Variants in HS6ST3 observed in about 807,000 individuals in gnomAD.
The protein encoded by HS6ST3 is heparan sulfate 6-O-sulfotransferase 3, also known as heparan-sulfate 6-O-sulfotransferase 3.
HS6ST3 carries 12 observed loss-of-function variants against 36.7 expected under a neutral mutation model. The observed-to-expected ratio is 0.33, with a 90% CI of 0.21 to 0.53. The LOEUF (loss-of-function observed/expected upper bound fraction) is 0.53. HS6ST3 is among the 20% of genes least tolerant of loss of function. The pLI is 0.95. For synonymous variants in HS6ST3, 240 were observed against 257.5 expected (o/e 0.93, Z 0.65); for missense variants, 584 against 640.9 (o/e 0.91, Z 0.96).
chr13:96,171,498 T>C (rs1594703114), intron 1 of HS6ST3, among the ~76,000 whole-genome samples: 1 of 152,218 alleles, frequency 6.6e-6, no homozygotes, highest in African/African-American at 2.4e-5. Context: ...ATATATTTTC[T>C]TTGACAATAT....
intron 1 of HS6ST3, among the ~76,000 whole-genome samples, chr13:96,623,705 C>T (rs966780763): frequency 2.7e-4 from 41 of 152,068 alleles, no homozygotes; most frequent in African/African-American, 1.2e-4. Context: ...TTAAACCAGT[C>T]GGAGCCCACC....
chr13:96,610,319 C>A (rs185184434), intron 1 of HS6ST3, among the ~76,000 whole-genome samples: 1 of 152,178 alleles, frequency 6.6e-6, no homozygotes, highest in Admixed American at 6.5e-5. Context: ...TCTTAGAATA[C>A]ATTCTGTTCC....
In HS6ST3 at chr13:96,145,465, T is replaced by A. The variant is rs185176722; in HGVS notation, c.707+53896T>A. Among the ~76,000 whole-genome samples, 19 of 152,294 alleles carry A rather than the reference T, an allele frequency of 1.2e-4. No individual in the cohort carries two copies. The East Asian group carries it at 3.7e-3, about 29-fold the overall frequency. The stretch of plus-strand genomic sequence containing the variant: ...CATAAATGTCTTCTTTTGAGAAGTG[T>A]CTGTTATATCCTTCGCCCAGTTTTT... On this transcript the variant is annotated intron_variant, in intron 1 of 1. Coordinates refer to ENST00000376705, the MANE Select transcript of HS6ST3 (RefSeq NM_153456.4).
At chr13:96,317,692 G>A (rs183234695) in intron 1 of HS6ST3, among the ~76,000 whole-genome samples, 16 of 148,850 alleles carry the variant, frequency 1.1e-4, no homozygotes, top group African/African-American at 3.7e-4. Flanking sequence ...GTATATAAAC[G>A]TCCCCTTTTC....
At chr13:96,409,720 C>T (rs1019630392) in intron 1 of HS6ST3, among the ~76,000 whole-genome samples, 4 of 152,022 alleles carry the variant, frequency 2.6e-5, no homozygotes, top group East Asian at 3.9e-4. Context: ...AGTCTGCAAG[C>T]GGATCTATCT....
intron 1 of HS6ST3, among the ~76,000 whole-genome samples, chr13:96,238,811 G>T (rs998622415): frequency 6.6e-6 from 1 of 152,176 alleles, no homozygotes; most frequent in Admixed American, 6.5e-5. Flanking sequence ...TGAAACAAAT[G>T]AATAGACAAA....
intron 1 of HS6ST3, among the ~76,000 whole-genome samples, chr13:96,365,483 CTCTTTTTTT>C (rs2055258565): frequency 6.6e-6 from 1 of 152,106 alleles, no homozygotes; most frequent in African/African-American, 2.4e-5. Context: ...CCTATTTTTT[CTCTTTTTTT>C]TCTGCTCCAT....
chr13:96,508,975 A>G (rs149829902), intron 1 of HS6ST3, among the ~76,000 whole-genome samples: 2,609 of 152,196 alleles, frequency 0.017, 30 homozygotes, highest in Non-Finnish European at 0.025. Flanking sequence ...TACCAGTAGA[A>G]TATATGCGTT....
At chr13:96,743,007 C>T (rs1397931155) in intron 1 of HS6ST3, among the ~76,000 whole-genome samples, 2 of 152,082 alleles carry the variant, frequency 1.3e-5, no homozygotes, top group Non-Finnish European at 2.9e-5. Flanking sequence ...AGAGTGTCCA[C>T]TCTAACCTTT....
chr13:96,591,026 T>C (rs1450833304), intron 1 of HS6ST3, among the ~76,000 whole-genome samples: 1 of 151,844 alleles, frequency 6.6e-6, no homozygotes, highest in Non-Finnish European at 1.5e-5. Flanking sequence ...TTCTGTGTTC[T>C]CTGTTTTGTC....
intron 1 of HS6ST3, among the ~76,000 whole-genome samples, chr13:96,231,419 A>G (rs969287475): frequency 6.6e-6 from 1 of 152,192 alleles, no homozygotes; most frequent in African/African-American, 2.4e-5. Flanking sequence ...TAGGCTGTAC[A>G]TGAAGAATGG....
chr13:96,559,723 C>CT (rs368220722), intron 1 of HS6ST3, among the ~76,000 whole-genome samples: 246 of 146,424 alleles, frequency 1.7e-3, no homozygotes, highest in African/African-American at 3.9e-3. Flanking sequence ...GCAGATTATT[C>CT]TTTTTTTTTT....
chr13:96,516,449 A>G (rs1333772324), intron 1 of HS6ST3, among the ~76,000 whole-genome samples: 1 of 152,210 alleles, frequency 6.6e-6, no homozygotes, highest in East Asian at 1.9e-4. Flanking sequence ...TTGAGTACTT[A>G]ATAGATAGTC....
intron 1 of HS6ST3, among the ~76,000 whole-genome samples, chr13:96,483,318 A>C (rs1426161860): frequency 6.6e-6 from 1 of 152,126 alleles, no homozygotes; most frequent in Non-Finnish European, 1.5e-5. Flanking sequence ...AGGGAACAGT[A>C]GGTGCAAAGG....
chr13:96,772,540 T>C (rs1384352861), intron 1 of HS6ST3, among the ~76,000 whole-genome samples: 4 of 152,178 alleles, frequency 2.6e-5, no homozygotes, highest in East Asian at 3.9e-4. Context: ...GTTGGACTTA[T>C]CTATTGAAAA....
intron 1 of HS6ST3, among the ~76,000 whole-genome samples, chr13:96,810,186 G>T (rs1051593944): frequency 7.9e-5 from 12 of 152,164 alleles, no homozygotes; most frequent in Non-Finnish European, 1.8e-4. Context: ...TAAGTACAGG[G>T]TAATCCTACC....
At chr13:96,402,678 A>C (rs1178859718) in intron 1 of HS6ST3, among the ~76,000 whole-genome samples, 1 of 152,180 alleles carries the variant, frequency 6.6e-6, no homozygotes, top group Non-Finnish European at 1.5e-5. Context: ...CATAAAGTGC[A>C]TGTTCTTTTG....
chr13:96,732,376 T>G (rs575889957), intron 1 of HS6ST3, among the ~76,000 whole-genome samples: 2 of 152,326 alleles, frequency 1.3e-5, no homozygotes, highest in South Asian at 2.1e-4. Context: ...GGGTCCAAAT[T>G]TATTATTCTG....
chr13:96,724,845 C>G (rs944364870), intron 1 of HS6ST3, among the ~76,000 whole-genome samples: 8 of 152,182 alleles, frequency 5.3e-5, no homozygotes, highest in Non-Finnish European at 1.2e-4. Context: ...TATCCAAGCC[C>G]TGCATGAACA....
Sources: gnomAD v4.1 joint callset for allele counts (sites outside exome capture counted in the v4.1 genomes callset) on GRCh38, gnomAD v4.1.1 for gene constraint, MANE v1.5 for transcripts, NCBI Gene and HGNC (gene_info 2026-07-23, HGNC 2026-07-21) for gene names.